The following TAFA1 variants were observed in gnomAD, a reference collection of about 807,000 sequenced individuals.
TAFA1 encodes the protein chemokine-like protein TAFA-1.
A neutral mutation model predicts 18.5 loss-of-function variants in TAFA1; 4 were observed. The observed-to-expected ratio is 0.22, with a 90% CI of 0.11 to 0.49. The LOEUF (loss-of-function observed/expected upper bound fraction) is 0.49, where lower values mean the gene tolerates loss of function less well. TAFA1 is among the 20% of genes least tolerant of loss of function. The pLI is 0.98. For missense variants in TAFA1, 147 were observed against 169.0 expected (o/e 0.87, Z 0.72); for synonymous variants, 56 against 55.2 (o/e 1.01, Z -0.06).
chr3:68,179,447 C>A (rs1213184029), intron 2 of TAFA1, among the ~76,000 whole-genome samples: 1 of 152,154 alleles, frequency 6.6e-6, no homozygotes, highest in African/African-American at 2.4e-5. Flanking sequence ...TCATTTTGTT[C>A]ATCTTTCCAT....
chr3:68,383,994 G>C (rs1238357042), intron 2 of TAFA1, among the ~76,000 whole-genome samples: 3 of 151,894 alleles, frequency 2.0e-5, no homozygotes, highest in Non-Finnish European at 4.4e-5. Flanking sequence ...TCTGATGGTT[G>C]TTTGTATTTC....
intron 2 of TAFA1, among the ~76,000 whole-genome samples, chr3:68,162,060 CTTTA>C (rs2065931402): frequency 6.6e-6 from 1 of 152,160 alleles, no homozygotes; most frequent in Non-Finnish European, 1.5e-5. Flanking sequence ...CTCTTTGGCT[CTTTA>C]TAGAAAACAT....
chr3:68,360,034 T>C (rs963434303), intron 2 of TAFA1, among the ~76,000 whole-genome samples: 1 of 151,962 alleles, frequency 6.6e-6, no homozygotes, highest in South Asian at 2.1e-4. Context: ...CCACTTGTAT[T>C]TATCAGGATC....
intron 2 of TAFA1, among the ~76,000 whole-genome samples, chr3:68,254,547 C>G (rs933373957): frequency 2.3e-4 from 35 of 151,968 alleles, no homozygotes; most frequent in African/African-American, 7.0e-4. Flanking sequence ...ACTATAATTA[C>G]TGAGGTCACT....
At chr3:68,336,214 C>T (rs772198713) in intron 2 of TAFA1, among the ~76,000 whole-genome samples, 3 of 152,212 alleles carry the variant, frequency 2.0e-5, no homozygotes, top group Non-Finnish European at 4.4e-5. Flanking sequence ...GAGGGGTCCT[C>T]TCATTGCATG....
intron 2 of TAFA1, among the ~76,000 whole-genome samples, chr3:68,024,127 A>G (rs970581965): frequency 4.6e-5 from 7 of 152,150 alleles, no homozygotes; most frequent in African/African-American, 1.7e-4. Context: ...TGATATTTTT[A>G]TATTATCCTA....
intron 3 of TAFA1, among the ~76,000 whole-genome samples, chr3:68,486,121 T>A (rs1310799942): frequency 6.7e-6 from 1 of 149,230 alleles, no homozygotes; most frequent in Non-Finnish European, 1.5e-5. Flanking sequence ...TATTTTATTT[T>A]ATTTTATTTT....
At chr3:68,212,169 G>A (rs1291733255) in intron 2 of TAFA1, among the ~76,000 whole-genome samples, 1 of 151,704 alleles carries the variant, frequency 6.6e-6, no homozygotes, top group Non-Finnish European at 1.5e-5. Context: ...ATGAAGACGG[G>A]AAGCTGCTTG....
chr3:68,382,837 G>A (rs1034924821), intron 2 of TAFA1, among the ~76,000 whole-genome samples: 1 of 152,174 alleles, frequency 6.6e-6, no homozygotes, highest in Admixed American at 6.6e-5. Context: ...TCCTATACAA[G>A]AGTATGGAAT....
intron 2 of TAFA1, among the ~76,000 whole-genome samples, chr3:68,049,041 G>A (rs2064432647): frequency 6.6e-6 from 1 of 152,128 alleles, no homozygotes; most frequent in South Asian, 2.1e-4. Flanking sequence ...CCCCTGAACT[G>A]TTCTCCATAG....
intron 2 of TAFA1, among the ~76,000 whole-genome samples, chr3:68,143,362 T>C (rs2065694158): frequency 6.6e-6 from 1 of 152,314 alleles, no homozygotes; most frequent in East Asian, 1.9e-4. Context: ...TTCTGAATCA[T>C]AAGAAATTTA....
At chr3:68,512,674 C>T (rs1169591651) in intron 3 of TAFA1, among the ~76,000 whole-genome samples, 1 of 126,984 alleles carries the variant, frequency 7.9e-6, no homozygotes, top group Non-Finnish European at 1.6e-5. Context: ...TGGTTTTTTG[C>T]TGGTTTTTTG....
intron 2 of TAFA1, among the ~76,000 whole-genome samples, chr3:68,391,006 G>C (rs972966023): frequency 1.3e-5 from 2 of 152,140 alleles, no homozygotes; most frequent in African/African-American, 2.4e-5. Flanking sequence ...GACTGAGAAT[G>C]AGTTTGATGA....
chr3:68,313,976 G>A lies in TAFA1; in HGVS notation c.119-103304G>A, dbSNP rs147911518. The stretch of plus-strand genomic sequence containing the variant: ...ATAAAAATAAGTAGAACTGTAAAAA[G>A]GAATCCTTTTTTTTCAACATTAATC... On this transcript the variant is annotated intron_variant, in intron 2 of 4. Coordinates refer to ENST00000478136, the MANE Select transcript of TAFA1 (RefSeq NM_213609.4). Among the ~76,000 whole-genome samples the A allele has an allele frequency of 5.5e-3, 838 of 152,202 alleles. 8 individuals carry two copies. The highest frequency in any genetic ancestry group is 0.019 in the African/African-American group (787 of 41,534).
chr3:68,250,849 A>G (rs550190829), intron 2 of TAFA1: 2 of 152,082 alleles, frequency 1.3e-5, no homozygotes, highest in South Asian at 4.1e-4. Flanking sequence ...TTTCAAGTCA[A>G]TTACAATTCC....
intron 2 of TAFA1, among the ~76,000 whole-genome samples, chr3:68,411,807 A>G (rs4855470): frequency 6.6e-6 from 1 of 152,172 alleles, no homozygotes; most frequent in East Asian, 1.9e-4. Context: ...TACTTTTTTA[A>G]TACAAGCCCA....
chr3:68,182,061 A>G (rs2066209013), intron 2 of TAFA1, among the ~76,000 whole-genome samples: 1 of 152,110 alleles, frequency 6.6e-6, no homozygotes, highest in Non-Finnish European at 1.5e-5. Context: ...AAAAAACATT[A>G]GCTGGGTGTG....
rs565418348 is a variant in TAFA1, at chr3:68,129,796, G to A, written c.118+123052G>A. On this transcript the variant is annotated intron_variant, in intron 2 of 4. Transcript: ENST00000478136. ...TGACATACTGGGTTCCATGGGAATC[G>A]TAACCACATGGCCTGAAAGAAAAAA... Among the ~76,000 whole-genome samples the A allele has an allele frequency of 1.3e-4, 20 of 152,202 alleles. No homozygotes were observed. The East Asian group carries it at 2.3e-3, about 18-fold the overall frequency.
At chr3:68,473,020 C>G (rs940721178) in intron 3 of TAFA1, among the ~76,000 whole-genome samples, 1 of 152,058 alleles carries the variant, frequency 6.6e-6, no homozygotes, top group African/African-American at 2.4e-5. Context: ...TTTAAGAAAT[C>G]TCGAAGTAAT....
Sources: allele counts gnomAD v4.1 joint callset (sites outside exome capture counted in the v4.1 genomes callset), GRCh38; gene constraint gnomAD v4.1.1; transcripts MANE v1.5; gene names NCBI Gene and HGNC (gene_info 2026-07-23, HGNC 2026-07-21).